RBFOX1: variants seen among roughly 807,000 people sequenced by gnomAD.
RBFOX1 encodes RNA binding fox-1 homolog 1.
A neutral mutation model predicts 57.7 loss-of-function variants in RBFOX1; 8 were observed. The ratio of observed to expected loss-of-function variants is 0.14; its 90% CI spans 0.08 to 0.25. RBFOX1 has a LOEUF of 0.25. Ranked by LOEUF, RBFOX1 falls within the 10% of genes least tolerant of loss-of-function variation. RBFOX1 has a pLI of 1.00. For missense variants in RBFOX1, 611 were observed against 548.5 expected (o/e 1.11, Z -1.14); for synonymous variants, 326 against 222.4 (o/e 1.47, Z -4.15).
At chr16:5,246,964 C>G (rs941236620) in intron 1 of RBFOX1, among the ~76,000 whole-genome samples, 3 of 152,222 alleles carry the variant, frequency 2.0e-5, no homozygotes, top group Admixed American at 2.0e-4. Flanking sequence ...AGCCACCATG[C>G]CTCGCTGAGT....
At chr16:7,485,053 A>G (rs1319362910) in intron 4 of RBFOX1, among the ~76,000 whole-genome samples, 3 of 98,992 alleles carry the variant, frequency 3.0e-5, no homozygotes, top group Admixed American at 1.3e-4. Flanking sequence ...GTTCCCCAAC[A>G]TTAATCCACT....
intron 3 of RBFOX1, among the ~76,000 whole-genome samples, chr16:6,723,115 T>C (rs1349171537): frequency 2.6e-5 from 4 of 152,186 alleles, no homozygotes; most frequent in African/African-American, 9.6e-5. Flanking sequence ...TTTCACAACG[T>C]GTTTGTCTTG....
chr16:6,768,617 T>C (rs916308268), intron 3 of RBFOX1, among the ~76,000 whole-genome samples: 2 of 151,936 alleles, frequency 1.3e-5, no homozygotes. Flanking sequence ...ATATATGATT[T>C]GGTTTAAATA....
At chr16:6,291,023 C>G (rs915715489) in intron 1 of RBFOX1, among the ~76,000 whole-genome samples, 10 of 152,142 alleles carry the variant, frequency 6.6e-5, no homozygotes, top group Non-Finnish European at 1.2e-4. Context: ...ATTATTCAGG[C>G]CTCCCCTTTT....
intron 4 of RBFOX1, among the ~76,000 whole-genome samples, chr16:7,152,648 G>A (rs988459524): frequency 1.1e-4 from 17 of 152,106 alleles, no homozygotes; most frequent in African/African-American, 2.4e-4. Context: ...TCTGGTATGC[G>A]CAGATGTCAG....
In RBFOX1 at chr16:7,016,259, C is replaced by T. The variant is rs76898498; in HGVS notation, c.-15-35798C>T. Among the ~76,000 whole-genome samples the T allele has an allele frequency of 1.5e-3, 223 of 152,214 alleles. 7 individuals are homozygous for T. The East Asian group carries it at 0.04, about 27-fold the overall frequency. On this transcript the variant is annotated intron_variant, in intron 3 of 15. Coordinates refer to ENST00000550418, the MANE Select transcript of RBFOX1 (RefSeq NM_018723.4). ...TTATGTGGAACGGGACCTGCCTCAT[C>T]CCCAAGATCTGTCTCGGACATGTGG...
intron 3 of RBFOX1, among the ~76,000 whole-genome samples, chr16:7,048,077 C>G (rs2048661245): frequency 6.6e-6 from 1 of 152,012 alleles, no homozygotes; most frequent in Non-Finnish European, 1.5e-5. Context: ...AGGGGTTTCA[C>G]CATGTTGGCC....
intron 4 of RBFOX1, among the ~76,000 whole-genome samples, chr16:7,496,559 A>C (rs1413816107): frequency 6.6e-6 from 1 of 152,138 alleles, no homozygotes; most frequent in East Asian, 1.9e-4. Context: ...AATCATCATC[A>C]TCATCATCAT....
intron 2 of RBFOX1, among the ~76,000 whole-genome samples, chr16:6,551,871 C>A (rs1390273069): frequency 6.6e-6 from 1 of 152,190 alleles, no homozygotes; most frequent in African/African-American, 2.4e-5. Flanking sequence ...TTGGTCATTT[C>A]AGAGTGGGAA....
At chr16:5,892,732 A>T (rs2058075188) in intron 4 of RBFOX1, among the ~76,000 whole-genome samples, 1 of 152,194 alleles carries the variant, frequency 6.6e-6, no homozygotes, top group Non-Finnish European at 1.5e-5. Context: ...AAGCCTGTCC[A>T]GGGGTAGTGG....
rs922787397 is a variant in RBFOX1, at chr16:7,298,293, T to TG, written c.28-219854_28-219853insG. Among the ~76,000 whole-genome samples the TG allele has an allele frequency of 6.8e-5, 10 of 146,058 alleles. No homozygotes were observed. In the South Asian group the frequency reaches 1.1e-3, roughly 16 times the overall value. The stretch of plus-strand genomic sequence containing the variant: ...TGTATAGGTTTTTTTTTGTTTTTTT[T>TG]TTTTTTTTTTTTTGAGATATACTCA... On this transcript the variant is annotated intron_variant, in intron 4 of 15. Coordinates refer to ENST00000550418, the MANE Select transcript of RBFOX1 (RefSeq NM_018723.4).
At chr16:6,261,395 C>T (rs189563245) in intron 1 of RBFOX1, among the ~76,000 whole-genome samples, 1 of 152,306 alleles carries the variant, frequency 6.6e-6, no homozygotes, top group Admixed American at 6.5e-5. Context: ...AAAGCAAAAG[C>T]AACTTCCAAA....
chr16:5,447,036 A>G (rs1597100744), intron 1 of RBFOX1, among the ~76,000 whole-genome samples: 1 of 152,104 alleles, frequency 6.6e-6, no homozygotes, highest in South Asian at 2.1e-4. Context: ...GAAGCACCCA[A>G]TAGATGCTAA....
rs565383179 is a variant in RBFOX1 at position 5,355,136 on chromosome 16, G to A, written c.220-112080G>A. 3.3e-5 allele frequency among the ~76,000 whole-genome samples: 5 copies of A among 152,294 alleles called. No individual in the cohort carries two copies. In the East Asian group the frequency reaches 7.7e-4, roughly 24 times the overall value. ...ACTAGGGTCGTCTTAGCTCAGAAGA[G>A]GTGTGTCCTTCTTGGCTTTGAGTAT... On this transcript the variant is annotated intron_variant, in intron 1 of 2. Transcript: ENST00000585867.
intron 1 of RBFOX1, among the ~76,000 whole-genome samples, chr16:5,432,537 GTT>G: frequency 9.1e-6 from 1 of 109,502 alleles, no homozygotes; most frequent in Admixed American, 9.2e-5. Flanking sequence ...CAACTGGGGA[GTT>G]TTTTTTTTTT....
chr16:6,181,677 C>T (rs1420359085), intron 1 of RBFOX1, among the ~76,000 whole-genome samples: 6 of 152,196 alleles, frequency 3.9e-5, no homozygotes, highest in African/African-American at 1.2e-4. Context: ...TTACGTGAAG[C>T]CATTGGGGAT....
chr16:7,318,734 TTATAG>T (rs2096490375), intron 4 of RBFOX1, among the ~76,000 whole-genome samples: 2 of 152,212 alleles, frequency 1.3e-5, no homozygotes, highest in African/African-American at 4.8e-5. Flanking sequence ...ATTTTGCTTT[TTATAG>T]CAGGCTGAAA....
chr16:7,124,494 T>G, intron 4 of RBFOX1, among the ~76,000 whole-genome samples: 1 of 140,630 alleles, frequency 7.1e-6, no homozygotes, highest in Non-Finnish European at 1.5e-5. Context: ...CCTCCCTCCC[T>G]TCCTCGCTCC....
rs117370839 is a variant in RBFOX1, at chr16:7,392,502, G to A, written c.28-125645G>A. On this transcript the variant is annotated intron_variant, in intron 4 of 15. Transcript: ENST00000550418. ...ACTCTTTATGGTCCTACCAAAACCA[G>A]TGACTTGAATGGGAGATATTTAGGG... 6.4e-4 allele frequency among the ~76,000 whole-genome samples: 97 copies of A among 152,262 alleles called. 1 individual carries two copies. The East Asian group carries it at 0.017, about 27-fold the overall frequency.
Sources: gnomAD v4.1 joint callset for allele counts (sites outside exome capture counted in the v4.1 genomes callset) on GRCh38, gnomAD v4.1.1 for gene constraint, MANE v1.5 for transcripts, NCBI Gene and HGNC (gene_info 2026-07-23, HGNC 2026-07-21) for gene names.